ZNF771: variants seen among roughly 807,000 people sequenced by gnomAD.
The protein encoded by ZNF771 is zinc finger protein 771, also known as mesenchymal stem cell protein DSC43.
In ZNF771, 10 loss-of-function variants were observed where a neutral mutation model predicts 27.6. That is an observed-to-expected ratio of 0.36 (90% CI 0.22 to 0.61). The LOEUF is 0.61. Ranked by LOEUF, ZNF771 falls within the 20% of genes least tolerant of loss-of-function variation. The probability of loss-of-function intolerance (pLI) is 0.70; values close to 1 mark genes in which losing one functional copy is unlikely to be tolerated. For missense variants in ZNF771, 438 were observed against 503.7 expected (o/e 0.87, Z 1.25); for synonymous variants, 261 against 225.2 (o/e 1.16, Z -1.43).
At chr16:30,415,561 G>T (rs1388175410) in intron 2 of ZNF771, among the ~76,000 whole-genome samples, 1 of 151,464 alleles carries the variant, frequency 6.6e-6, no homozygotes, top group Non-Finnish European at 1.5e-5. Flanking sequence ...TTTTGTATTT[G>T]TAGTAGAGAC....
At chr16:30,415,089 G>C (rs1339263168) in intron 2 of ZNF771, among the ~76,000 whole-genome samples, 2 of 149,082 alleles carry the variant, frequency 1.3e-5, no homozygotes, top group Admixed American at 1.4e-4. Flanking sequence ...TCCTGAGTAG[G>C]TGGGATTACA....
intron 2 of ZNF771, among the ~76,000 whole-genome samples, chr16:30,409,356 G>A (rs1411047856): frequency 6.6e-6 from 1 of 152,172 alleles, no homozygotes; most frequent in East Asian, 1.9e-4. Context: ...ATGCTGTAGT[G>A]TGGATGAGTG....
intron 2 of ZNF771, 146 bp downstream of exon 2, chr16:30,408,340 C>T (rs2050087899): frequency 1.8e-6 from 2 of 1,124,676 alleles, no homozygotes; most frequent in South Asian, 1.5e-5. Flanking sequence ...TTCTGCCCTA[C>T]TGCCTGGGCT....
intron 2 of ZNF771, 111 bp downstream of exon 2, chr16:30,408,305 C>T: frequency 6.7e-7 from 1 of 1,481,944 alleles, no homozygotes; most frequent in Non-Finnish European, 9.3e-7. Context: ...AATCTCGGAT[C>T]TAAAACCTCA....
At position 30,418,412 on chromosome 16, in the gene ZNF771, T is replaced by G; in HGVS notation, c.*45T>G. On this transcript the variant is annotated 3_prime_UTR_variant, in exon 3 of 3. Coordinates refer to ENST00000319296, the MANE Select transcript of ZNF771 (RefSeq NM_001142305.2). The stretch of plus-strand genomic sequence containing the variant: ...GGGCGCGCTGGGGCTTCGACCTGGC[T>G]GCACTAACCCAGGCTCCTCCTCGCC... The G allele has an allele frequency of 7.4e-7, 1 of 1,358,772 alleles. No homozygotes were observed. Among genetic ancestry groups the G allele is most frequent in the Non-Finnish European group, 9.4e-7 (1 of 1,059,738 alleles). The allele number at this position is 1,358,772 out of a possible 1,614,324, so 84.2% of individuals were successfully genotyped here.
chr16:30,418,261 G>A lies in ZNF771; in HGVS notation c.848G>A (p.Arg283Gln), dbSNP rs1205951887. 4 of 1,511,636 alleles carry A rather than the reference G, an allele frequency of 2.6e-6. No individual in the cohort carries two copies. The East Asian group carries it at 1.1e-4, about 40-fold the overall frequency. 93.6% of individuals were successfully genotyped at this position (1,511,636 alleles called of 1,614,324 possible). ...HFIRHRRAHM[R>Q]RRLYICAGCG... ...ATTCGCCACCGACGCGCGCACATGC[G>A]GCGCCGCCTGTATATTTGCGCCGGC... is the stretch of plus-strand genomic sequence containing the variant. The change falls in exon 3 of 3, where the codon CGG becomes CAG. Residue 283 changes from arginine to glutamine, a missense_variant. By Grantham distance (43) the Arg-to-Gln change is conservative (BLOSUM62 1). Transcript: ENST00000319296.
rs755997442 is a variant in ZNF771 at position 30,408,188 on chromosome 16, C to A, written c.135C>A (p.Asn45Lys). ...TGAAACTCAAGATCCCCATGGACAA[C>A]AAGGAGGTATGTGTCACACACACCC... ...EVVKLKIPMD[N>K]KEVPGEAPAP... Residue 45 changes from asparagine to lysine, a missense_variant, in exon 2 of 3, where the codon AAC becomes AAA. Coordinates refer to ENST00000319296, the MANE Select transcript of ZNF771 (RefSeq NM_001142305.2). The A allele has an allele frequency of 6.2e-6, 10 of 1,613,806 alleles. No homozygotes were observed. The South Asian group carries it at 1.1e-4, about 18-fold the overall frequency.
At chr16:30,417,022 T>C (rs192920412) in intron 2 of ZNF771, among the ~76,000 whole-genome samples, 1 of 152,110 alleles carries the variant, frequency 6.6e-6, no homozygotes, top group East Asian at 1.9e-4. Flanking sequence ...TCATGCATTC[T>C]GCTTTAACCA....
intron 2 of ZNF771, among the ~76,000 whole-genome samples, chr16:30,414,867 G>A (rs1363390447): frequency 6.7e-6 from 1 of 149,392 alleles, no homozygotes; most frequent in Non-Finnish European, 1.5e-5. Context: ...GGATGGTCTC[G>A]ATCTCCTGAC....
intron 1 of ZNF771, 156 bp from the exon 2 acceptor site, chr16:30,407,889 C>T (rs1019784615): frequency 8.9e-6 from 5 of 559,452 alleles, no homozygotes; most frequent in South Asian, 4.0e-5. Context: ...GAGCGTGGGG[C>T]CGGGCTGGGG....
At chr16:30,410,856 C>CAAA (rs71149015) in intron 2 of ZNF771, among the ~76,000 whole-genome samples, 17 of 27,358 alleles carry the variant, frequency 6.2e-4, no homozygotes, top group Non-Finnish European at 7.0e-4. Flanking sequence ...CTCATCTCTA[C>CAAA]AAAAAAAAAA....
rs1267466089 is a variant in ZNF771, at chr16:30,408,107, G to C, written c.54G>C (p.Glu18Asp). 9 of 1,608,944 alleles carry C rather than the reference G, an allele frequency of 5.6e-6. No individual in the cohort carries two copies. Among genetic ancestry groups the C allele is most frequent in the South Asian group, 1.1e-5 (1 of 90,936 alleles). Residue 18 changes from glutamate to aspartate, a missense_variant, in exon 2 of 3, where the codon GAG (glutamate) becomes GAC (aspartate). Physicochemically the swap from Glu to Asp is conservative, Grantham distance 45. Coordinates refer to ENST00000319296, the MANE Select transcript of ZNF771 (RefSeq NM_001142305.2). ...EEEEEEEMQE[E>D]MVLLVKGEED... ...AGGAGGAGGAAGAGATGCAGGAGGA[G>C]ATGGTGCTGCTGGTGAAGGGTGAGG... is the stretch of plus-strand genomic sequence containing the variant.
intron 2 of ZNF771, among the ~76,000 whole-genome samples, chr16:30,410,383 G>A (rs1184587722): frequency 1.3e-5 from 2 of 152,156 alleles, no homozygotes; most frequent in African/African-American, 4.8e-5. Flanking sequence ...TTACAGGCGT[G>A]AGCCACCACG....
At chr16:30,407,813 A>G in intron 1 of ZNF771, 149 bp downstream of exon 1, 1 of 420,918 alleles carries the variant, frequency 2.4e-6, no homozygotes, top group Non-Finnish European at 4.4e-6. Flanking sequence ...GAACTGTTCA[A>G]GGCCTTGAAT....
chr16:30,409,717 C>T (rs1298692203), intron 2 of ZNF771, among the ~76,000 whole-genome samples: 2 of 152,190 alleles, frequency 1.3e-5, no homozygotes, highest in African/African-American at 4.8e-5. Context: ...TAATAACTAT[C>T]TGGTTGTGTT....
At position 30,418,227 on chromosome 16, in the gene ZNF771, T is replaced by G; in HGVS notation, c.814T>G (p.Ser272Ala). ...AECGRRFRLS[S>A]HFIRHRRAHM... is the part of the protein sequence containing the mutation. ...GTGCGGCCGCCGCTTCCGCCTAAGC[T>G]CGCACTTCATTCGCCACCGACGCGC... The change falls in exon 3 of 3, where the codon TCG becomes GCG. Residue 272 changes from serine to alanine, a missense_variant. Around this residue, in one of 3 missense-constraint regions of ZNF771, gnomAD observed 305 missense variants for 308.0 expected, o/e 0.99. Coordinates refer to ENST00000319296, the MANE Select transcript of ZNF771 (RefSeq NM_001142305.2). 1 of 1,515,166 alleles carries G rather than the reference T, an allele frequency of 6.6e-7. No individual in the cohort carries two copies. The highest frequency in any genetic ancestry group is 8.8e-7 in the Non-Finnish European group (1 of 1,138,540). 93.9% of individuals were successfully genotyped at this position (1,515,166 alleles called of 1,614,324 possible).
In ZNF771 at chr16:30,417,918, C is replaced by T. The variant is rs1160365370; in HGVS notation, c.505C>T (p.His169Tyr). The T allele has an allele frequency of 1.3e-6, 2 of 1,519,600 alleles. No individual in the cohort carries two copies. The highest frequency in any genetic ancestry group is 1.7e-6 in the Non-Finnish European group (2 of 1,143,328). The allele number at this position is 1,519,600 out of a possible 1,614,324, so 94.1% of individuals were successfully genotyped here. ...CAACTACGCACAGCACCTGCGCGTG[C>T]ACACGGGCGAGAAGCCGTACGCGTG... is the stretch of plus-strand genomic sequence containing the variant. Reference protein sequence around the residue: ...SSNYAQHLRVHTGEKPYACPD... With the variant: ...SSNYAQHLRVYTGEKPYACPD... The change falls in exon 3 of 3, where the codon CAC (histidine) becomes TAC (tyrosine). Residue 169 changes from histidine (H) to tyrosine (Y), a missense_variant. By Grantham distance (83) the His-to-Tyr change is moderately conservative (BLOSUM62 2). This residue lies in a region of ZNF771 where 305 missense variants were observed against 308.0 expected (regional missense o/e 0.99). Transcript: ENST00000319296.
Position 30,418,113 on chromosome 16 carries a change from G to T in ZNF771, c.700G>T (p.Ala234Ser). The change falls in exon 3 of 3, where the codon GCT (alanine) becomes TCT (serine). Residue 234 changes from alanine (A) to serine (S), a missense_variant. Physicochemically the swap from Ala to Ser is moderately conservative, Grantham distance 99. This residue lies in a region of ZNF771 where 305 missense variants were observed against 308.0 expected (regional missense o/e 0.99). Transcript: ENST00000319296. ...CACGGGCGAGAAGCCGCACCGCTGC[G>T]CTGTGTGTGGCCGTCGCTTCGGCCA... ...VHTGEKPHRC[A>S]VCGRRFGHRS... 1 of 1,477,738 alleles carries T rather than the reference G, an allele frequency of 6.8e-7. No homozygotes were observed. Among genetic ancestry groups the T allele is most frequent in the Non-Finnish European group, 8.9e-7 (1 of 1,121,562 alleles). The allele number at this position is 1,477,738 out of a possible 1,614,324, so 91.5% of individuals were successfully genotyped here.
At chr16:30,412,590 C>T (rs1015072795) in intron 2 of ZNF771, among the ~76,000 whole-genome samples, 2 of 152,026 alleles carry the variant, frequency 1.3e-5, no homozygotes, top group African/African-American at 4.8e-5. Flanking sequence ...CTCAGGAGTT[C>T]GAGACCAGCC....
Sources: allele counts gnomAD v4.1 joint callset (sites outside exome capture counted in the v4.1 genomes callset), GRCh38; gene constraint gnomAD v4.1.1; regional missense constraint gnomAD v4.1.1; transcripts MANE v1.5; gene names NCBI Gene and HGNC (gene_info 2026-07-23, HGNC 2026-07-21).